CADM2: variants seen among roughly 807,000 people sequenced by gnomAD.
The protein encoded by CADM2 is cell adhesion molecule 2.
CADM2 carries 12 observed loss-of-function variants against 49.8 expected under a neutral mutation model. The ratio of observed to expected loss-of-function variants is 0.24; its 90% CI spans 0.15 to 0.39. The LOEUF (loss-of-function observed/expected upper bound fraction) is 0.39. CADM2 is among the 10% of genes least tolerant of loss of function. CADM2 has a pLI of 1.00. For missense variants in CADM2, 378 were observed against 492.3 expected, an observed-to-expected ratio of 0.77 and a Z score of 2.20; for synonymous variants, 214 against 175.4, an observed-to-expected ratio of 1.22 and a Z score of -1.74.
rs546572470 is a variant in CADM2, at chr3:85,612,859, T to C, written c.62-113663T>C. Among the ~76,000 whole-genome samples the C allele has an allele frequency of 1.2e-4, 18 of 151,950 alleles. No homozygotes were observed. The South Asian group carries it at 3.7e-3, about 31-fold the overall frequency. ...TCAGTATATTAGTCACCTATTTATG[T>C]GTATTTACCATAAAATAACTGACTT... is the stretch of plus-strand genomic sequence containing the variant. On this transcript the variant is annotated intron_variant, in intron 1 of 9. Transcript: ENST00000383699.
At chr3:85,370,310 T>C (rs1246413768) in intron 1 of CADM2, among the ~76,000 whole-genome samples, 1 of 151,122 alleles carries the variant, frequency 6.6e-6, no homozygotes, top group African/African-American at 2.4e-5. Flanking sequence ...TAATCCCAGC[T>C]ACTCCAAAGG....
intron 1 of CADM2, among the ~76,000 whole-genome samples, chr3:85,074,611 C>A (rs965939756): frequency 3.3e-5 from 5 of 152,072 alleles, no homozygotes; most frequent in African/African-American, 1.2e-4. Context: ...AATTAAATAG[C>A]TTCCTACAGT....
At chr3:85,808,801 A>G (rs2072624763) in intron 3 of CADM2, among the ~76,000 whole-genome samples, 1 of 152,222 alleles carries the variant, frequency 6.6e-6, no homozygotes, top group Admixed American at 6.5e-5. Flanking sequence ...ATTGGTGTTA[A>G]TTAGCCAATT....
intron 1 of CADM2, among the ~76,000 whole-genome samples, chr3:85,266,741 T>C (rs987489747): frequency 2.6e-5 from 4 of 151,800 alleles, no homozygotes; most frequent in Non-Finnish European, 5.9e-5. Flanking sequence ...TGGCATTCCT[T>C]TGGGTAATCA....
intron 1 of CADM2, among the ~76,000 whole-genome samples, chr3:85,349,967 T>C (rs2031172236): frequency 6.6e-6 from 1 of 152,182 alleles, no homozygotes. Flanking sequence ...TGCTGATGTT[T>C]CATTGAAGAG....
At chr3:85,181,374 G>C (rs1314953223) in intron 1 of CADM2, among the ~76,000 whole-genome samples, 1 of 152,020 alleles carries the variant, frequency 6.6e-6, no homozygotes, top group Non-Finnish European at 1.5e-5. Context: ...TCATGTTGGG[G>C]ATAAGTTGAG....
chr3:85,301,511 C>A (rs2044100092), intron 1 of CADM2, among the ~76,000 whole-genome samples: 1 of 151,746 alleles, frequency 6.6e-6, no homozygotes, highest in Non-Finnish European at 1.5e-5. Context: ...TACCAGTCAC[C>A]AAAAGTGTGC....
intron 1 of CADM2, among the ~76,000 whole-genome samples, chr3:85,683,403 TG>T (rs1442235993): frequency 6.6e-6 from 1 of 152,220 alleles, no homozygotes; most frequent in Non-Finnish European, 1.5e-5. Context: ...GCAGAATGAA[TG>T]TCATAGAGCT....
intron 1 of CADM2, among the ~76,000 whole-genome samples, chr3:85,589,321 C>T (rs1038254837): frequency 1.3e-5 from 2 of 152,048 alleles, no homozygotes; most frequent in African/African-American, 4.8e-5. Flanking sequence ...ACCTCAATTA[C>T]TTAGGCACAA....
At chr3:85,237,473 T>A (rs1010397135) in intron 1 of CADM2, among the ~76,000 whole-genome samples, 5 of 151,702 alleles carry the variant, frequency 3.3e-5, no homozygotes, top group Non-Finnish European at 7.4e-5. Context: ...TCATTCTATA[T>A]ATAATGAAAA....
intron 2 of CADM2, among the ~76,000 whole-genome samples, chr3:85,741,465 C>T (rs973856655): frequency 7.9e-5 from 12 of 152,008 alleles, no homozygotes; most frequent in East Asian, 1.9e-4. Flanking sequence ...GTCAGGAGTT[C>T]GAGACAATCC....
chr3:85,388,957 C>G (rs2034383437), intron 1 of CADM2, among the ~76,000 whole-genome samples: 1 of 152,082 alleles, frequency 6.6e-6, no homozygotes, highest in Non-Finnish European at 1.5e-5. Context: ...TCTAGACCAT[C>G]TGGGGGTATT....
chr3:85,700,344 G>A (rs1442909106), intron 1 of CADM2, among the ~76,000 whole-genome samples: 4 of 152,128 alleles, frequency 2.6e-5, no homozygotes, highest in African/African-American at 7.2e-5. Flanking sequence ...AGGGGATGGG[G>A]GACTAGGGGA....
At chr3:85,577,854 A>C (rs1320569763) in intron 1 of CADM2, among the ~76,000 whole-genome samples, 1 of 152,120 alleles carries the variant, frequency 6.6e-6, no homozygotes, top group South Asian at 2.1e-4. Flanking sequence ...ATGGAGAACA[A>C]GTATAAGAAA....
intron 7 of CADM2, among the ~76,000 whole-genome samples, chr3:85,945,128 C>G (rs1722492662): frequency 6.6e-6 from 1 of 152,014 alleles, no homozygotes; most frequent in East Asian, 1.9e-4. Context: ...TACAAACTAC[C>G]ATCAGAGAAT....
intron 1 of CADM2, among the ~76,000 whole-genome samples, chr3:85,651,268 C>T: frequency 6.6e-6 from 1 of 151,936 alleles, no homozygotes. Context: ...CATTGCTATT[C>T]TTGAGTTTGT....
At chr3:85,262,926 G>T (rs1281680791) in intron 1 of CADM2, among the ~76,000 whole-genome samples, 10,324 of 152,062 alleles carry the variant, frequency 0.068, 1,154 homozygotes, top group African/African-American at 0.23. Flanking sequence ...CTCTGTATGT[G>T]TATGTGTAAA....
At chr3:85,291,294 G>T (rs1280204287) in intron 1 of CADM2, among the ~76,000 whole-genome samples, 7 of 151,712 alleles carry the variant, frequency 4.6e-5, no homozygotes, top group Non-Finnish European at 1.0e-4. Flanking sequence ...TATGAGAAAA[G>T]ACCAAATCTA....
At chr3:85,342,526 G>C (rs1390075281) in intron 1 of CADM2, among the ~76,000 whole-genome samples, 4 of 152,036 alleles carry the variant, frequency 2.6e-5, no homozygotes, top group Non-Finnish European at 5.9e-5. Context: ...TTATGTGGCA[G>C]AGGGCTGACA....
Sources: gnomAD v4.1 joint callset for allele counts (sites outside exome capture counted in the v4.1 genomes callset) on GRCh38, gnomAD v4.1.1 for gene constraint, MANE v1.5 for transcripts, NCBI Gene and HGNC (gene_info 2026-07-23, HGNC 2026-07-21) for gene names.